The following SMOC2 variants were observed in gnomAD, a reference collection of about 807,000 sequenced individuals.
SMOC2 encodes the protein SPARC related modular calcium binding 2.
Under a neutral mutation model 61.4 loss-of-function variants are expected in SMOC2, and 39 were observed. The observed-to-expected ratio is 0.64, with a 90% CI of 0.49 to 0.83. The LOEUF (loss-of-function observed/expected upper bound fraction) is 0.83. SMOC2 is among the 40% of genes least tolerant of loss of function. The pLI is 0.00. For synonymous variants in SMOC2, 247 were observed against 239.9 expected (o/e 1.03, Z -0.27); for missense variants, 556 against 592.9 (o/e 0.94, Z 0.65).
At chr6:168,580,415 C>T (rs1268597365) in intron 7 of SMOC2, among the ~76,000 whole-genome samples, 1 of 152,312 alleles carries the variant, frequency 6.6e-6, no homozygotes, top group Non-Finnish European at 1.5e-5. Flanking sequence ...GTTTTAGGGA[C>T]GGAGGCACCT....
rs1167954728 is a variant in SMOC2, at chr6:168,473,062, C to G, written c.84+31608C>G. 2.6e-5 allele frequency among the ~76,000 whole-genome samples: 4 copies of G among 152,118 alleles called. 1 individual carries two copies. The highest frequency in any genetic ancestry group is 1.5e-5 in the Non-Finnish European group (1 of 68,012). Reference sequence around the variant, plus strand: ...ATCCTTTGTCCTTTGGCTGAGCAGCCCTTTGGTGTGTTAAGATGAAGAGTA... The same window carrying G: ...ATCCTTTGTCCTTTGGCTGAGCAGCGCTTTGGTGTGTTAAGATGAAGAGTA... On this transcript the variant is annotated intron_variant, in intron 1 of 12. Coordinates refer to ENST00000356284, the MANE Select transcript of SMOC2 (RefSeq NM_001166412.2).
At chr6:168,441,575 G>T in intron 1 of SMOC2, 121 bp downstream of exon 1, 1 of 1,288,572 alleles carries the variant, frequency 7.8e-7, no homozygotes, top group Non-Finnish European at 9.9e-7. Flanking sequence ...AGGTGGCCCC[G>T]GGGGCCGTGG....
At chr6:168,469,096 A>G (rs1227577029) in intron 1 of SMOC2, among the ~76,000 whole-genome samples, 1 of 152,178 alleles carries the variant, frequency 6.6e-6, no homozygotes, top group African/African-American at 2.4e-5. Context: ...TCTTGTTTCT[A>G]ATGGGTCAGA....
At chr6:168,509,235 T>C (rs964896703) in intron 1 of SMOC2, among the ~76,000 whole-genome samples, 1 of 152,230 alleles carries the variant, frequency 6.6e-6, no homozygotes, top group Non-Finnish European at 1.5e-5. Flanking sequence ...GGAGCACACA[T>C]GGCCATTAGG....
chr6:168,591,770 C>T (rs1054810273), intron 7 of SMOC2, among the ~76,000 whole-genome samples: 2 of 151,368 alleles, frequency 1.3e-5, no homozygotes, highest in Non-Finnish European at 2.9e-5. Flanking sequence ...TACATTAACT[C>T]CTCAAAATTT....
chr6:168,523,917 G>A (rs542202372), intron 2 of SMOC2, among the ~76,000 whole-genome samples: 1 of 152,158 alleles, frequency 6.6e-6, no homozygotes, highest in Non-Finnish European at 1.5e-5. Flanking sequence ...GGACAGTGTT[G>A]AAGCATCCTA....
intron 1 of SMOC2, among the ~76,000 whole-genome samples, chr6:168,470,492 T>C (rs2115012820): frequency 6.6e-6 from 1 of 152,132 alleles, no homozygotes; most frequent in African/African-American, 2.4e-5. Flanking sequence ...CTGGGCAACA[T>C]GATGAAACCC....
intron 1 of SMOC2, among the ~76,000 whole-genome samples, chr6:168,469,794 G>A (rs968629216): frequency 4.9e-4 from 74 of 152,032 alleles, no homozygotes; most frequent in Non-Finnish European, 1.0e-4. Context: ...CGTCCTCACC[G>A]CTGCAGCCTC....
intron 4 of SMOC2, 103 bp downstream of exon 4, chr6:168,527,830 C>G (rs936364397): frequency 4.7e-6 from 4 of 846,884 alleles, no homozygotes; most frequent in Non-Finnish European, 7.7e-6. Context: ...AAGGGAAATC[C>G]AGTTTGGCCG....
At chr6:168,510,216 C>A (rs887157109) in intron 2 of SMOC2, 130 bp downstream of exon 2, 6 of 792,334 alleles carry the variant, frequency 7.6e-6, no homozygotes, top group Admixed American at 6.0e-5. Context: ...TTTTTTACAG[C>A]ATGTAAGGAA....
chr6:168,584,283 G>A (rs192686441), intron 7 of SMOC2, among the ~76,000 whole-genome samples: 3 of 152,346 alleles, frequency 2.0e-5, no homozygotes, highest in African/African-American at 4.8e-5. Context: ...GGGAATCTGA[G>A]TTCTTCCGAC....
intron 7 of SMOC2, among the ~76,000 whole-genome samples, chr6:168,575,716 G>A (rs192522954): frequency 2.0e-5 from 3 of 152,300 alleles, no homozygotes; most frequent in East Asian, 3.9e-4. Context: ...ACGGACTTGC[G>A]CCAGGCTCCC....
chr6:168,542,394 A>G (rs1450815877), intron 4 of SMOC2, among the ~76,000 whole-genome samples: 1 of 152,258 alleles, frequency 6.6e-6, no homozygotes, highest in Non-Finnish European at 1.5e-5. Flanking sequence ...TGGCTTTGGC[A>G]GATGAACCAG....
chr6:168,642,838 A>G (rs1786927729), intron 9 of SMOC2, among the ~76,000 whole-genome samples: 1 of 152,208 alleles, frequency 6.6e-6, no homozygotes, highest in South Asian at 2.1e-4. Context: ...AAAAGTTGGA[A>G]AGCCAAGTGT....
chr6:168,569,378 GT>G (rs1295157312), intron 7 of SMOC2, among the ~76,000 whole-genome samples: 5 of 152,062 alleles, frequency 3.3e-5, no homozygotes, highest in African/African-American at 7.2e-5. Context: ...ATTAATTGGG[GT>G]TTTTTTAATT....
chr6:168,513,384 C>T (rs959999090), intron 2 of SMOC2, among the ~76,000 whole-genome samples: 3 of 150,918 alleles, frequency 2.0e-5, no homozygotes, highest in Admixed American at 6.6e-5. Context: ...GTAAACTGTA[C>T]GTTATTTTAG....
In SMOC2 at chr6:168,501,751, G is replaced by A. The variant is rs73791042; in HGVS notation, c.85-8164G>A. Among the ~76,000 whole-genome samples the A allele has an allele frequency of 6.2e-3, 940 of 152,350 alleles. 6 individuals are homozygous for A. Among genetic ancestry groups the A allele is most frequent in the African/African-American group, 0.021 (886 of 41,578 alleles). On this transcript the variant is annotated intron_variant, in intron 1 of 12. Coordinates refer to ENST00000356284, the MANE Select transcript of SMOC2 (RefSeq NM_001166412.2). ...CTCTGGGATCTCCGTACCCAACAGCGTCACCCAGGGGTGGCTGGGGTTCAG... is the reference window on the plus strand; with the variant it reads ...CTCTGGGATCTCCGTACCCAACAGCATCACCCAGGGGTGGCTGGGGTTCAG...
At chr6:168,626,365 T>C (rs1026719113) in intron 9 of SMOC2, among the ~76,000 whole-genome samples, 1 of 152,158 alleles carries the variant, frequency 6.6e-6, no homozygotes, top group African/African-American at 2.4e-5. Flanking sequence ...TCAGGAATAA[T>C]TGACGATGTG....
At chr6:168,607,036 C>A (rs1457835100) in intron 8 of SMOC2, among the ~76,000 whole-genome samples, 3 of 152,082 alleles carry the variant, frequency 2.0e-5, no homozygotes, top group African/African-American at 7.2e-5. Flanking sequence ...TGCGAGTCCA[C>A]AGAAAGGGGC....
Sources: allele counts gnomAD v4.1 joint callset (sites outside exome capture counted in the v4.1 genomes callset), GRCh38; gene constraint gnomAD v4.1.1; transcripts MANE v1.5; gene names NCBI Gene and HGNC (gene_info 2026-07-23, HGNC 2026-07-21).